Variants in AGO2 observed in about 807,000 individuals in gnomAD.
AGO2 encodes the protein argonaute RISC catalytic component 2, also known as protein argonaute-2.
Under a neutral mutation model 102.3 loss-of-function variants are expected in AGO2, and 5 were observed. The observed-to-expected ratio is 0.05, with a 90% CI of 0.03 to 0.10. AGO2 has a LOEUF of 0.10. Among genes scored for constraint, AGO2 ranks in the 10% least tolerant of loss-of-function variants. The pLI is 1.00. For missense variants in AGO2, 541 were observed against 1,183.7 expected (o/e 0.46, Z 7.97); for synonymous variants, 449 against 473.1 (o/e 0.95, Z 0.66).
chr8:140,572,225 CCCT>C (rs1665522432), intron 3 of AGO2: 1 of 152,216 alleles, frequency 6.6e-6, no homozygotes, highest in South Asian at 2.1e-4. Flanking sequence ...TTAATACACC[CCCT>C]CCCTCCGGGT....
chr8:140,631,598 G>T (rs59652329), intron 1 of AGO2, among the ~76,000 whole-genome samples: 4,921 of 152,130 alleles, frequency 0.032, 260 homozygotes, highest in African/African-American at 0.11. Flanking sequence ...AGGGAGAAGA[G>T]AGAGGGTGGG....
chr8:140,632,408 G>GCT (rs1236989775), intron 1 of AGO2, among the ~76,000 whole-genome samples: 2 of 152,262 alleles, frequency 1.3e-5, no homozygotes, highest in Non-Finnish European at 2.9e-5. Context: ...TGAGGGAAGG[G>GCT]GGAGAGGGGG....
In AGO2 at chr8:140,528,835, G is replaced by A. The variant is rs921547706; in HGVS notation, c.*3209C>T. ...GGACGGTGGCTTTGCGTCACCGAAG[G>A]GCTCACACACGAGGGCAGCTTTCCA... On this transcript the variant is annotated 3_prime_UTR_variant, in exon 19 of 19. Transcript: ENST00000220592. This position sits in a 1 kb window ranked among gnomAD's most constrained non-coding sequence, Gnocchi z 4.5. 2 of 152,188 alleles carry A rather than the reference G, an allele frequency of 1.3e-5. No individual in the cohort carries two copies. Among genetic ancestry groups the A allele is most frequent in the African/African-American group, 4.8e-5 (2 of 41,424 alleles). The allele number at this position is 152,188 out of a possible 1,614,324, so 9.4% of individuals were successfully genotyped here.
At chr8:140,591,616 G>A (rs941238363) in intron 1 of AGO2, 16 of 152,182 alleles carry the variant, frequency 1.1e-4, no homozygotes, top group African/African-American at 2.7e-4. Context: ...CCATCAACAC[G>A]GAATTTCCTG....
intron 3 of AGO2, among the ~76,000 whole-genome samples, chr8:140,566,191 G>T (rs1050439828): frequency 6.6e-6 from 1 of 152,166 alleles, no homozygotes; most frequent in African/African-American, 2.4e-5. Context: ...AATCATGGGG[G>T]CTGGTCTTTC....
intron 16 of AGO2, among the ~76,000 whole-genome samples, chr8:140,537,161 T>C (rs961678932): frequency 1.2e-4 from 18 of 152,264 alleles, no homozygotes; most frequent in African/African-American, 4.3e-4. Flanking sequence ...TTAAAAAATA[T>C]GGCTTGAGAC....
At position 140,531,000 on chromosome 8, in the gene AGO2, G is replaced by A. The variant is rs1027292656; in HGVS notation, c.*1044C>T. On this transcript the variant is annotated 3_prime_UTR_variant, in exon 19 of 19. Transcript: ENST00000220592. ...GCTGCACAGTCTCCACGGGGGAAGC[G>A]GGTTGCTGTCACATTAAGTCAATTG... 3.3e-5 allele frequency: 5 copies of A among 152,184 alleles called. No individual in the cohort carries two copies. Among genetic ancestry groups the A allele is most frequent in the Non-Finnish European group, 5.9e-5 (4 of 68,048 alleles). 9.4% of individuals were successfully genotyped at this position (152,184 alleles called of 1,614,324 possible).
intron 1 of AGO2, among the ~76,000 whole-genome samples, chr8:140,590,018 T>C (rs2073724181): frequency 6.6e-6 from 1 of 152,252 alleles, no homozygotes; most frequent in South Asian, 2.1e-4. Context: ...GAATGTGTGC[T>C]GGGAATGCAG....
intron 1 of AGO2, among the ~76,000 whole-genome samples, chr8:140,623,948 T>A (rs2074245038): frequency 6.6e-6 from 1 of 152,144 alleles, no homozygotes; most frequent in Non-Finnish European, 1.5e-5. Flanking sequence ...GAACACTGCA[T>A]AGACACAAGG....
intron 12 of AGO2, among the ~76,000 whole-genome samples, chr8:140,548,573 C>CA (rs1416579385): frequency 6.6e-6 from 1 of 152,156 alleles, no homozygotes; most frequent in Non-Finnish European, 1.5e-5. Flanking sequence ...AGCAGGATGT[C>CA]AACACCAACA....
At chr8:140,549,548 G>T (rs1461583093) in intron 11 of AGO2, among the ~76,000 whole-genome samples, 1 of 152,234 alleles carries the variant, frequency 6.6e-6, no homozygotes, top group African/African-American at 2.4e-5. Flanking sequence ...AGTCACATGC[G>T]GCTAACTTGC....
chr8:140,569,624 A>G (rs1242583961), intron 3 of AGO2, among the ~76,000 whole-genome samples: 2 of 152,234 alleles, frequency 1.3e-5, no homozygotes, highest in Non-Finnish European at 2.9e-5. Context: ...CAGAGCCAAG[A>G]AGACCAGACG....
intron 1 of AGO2, chr8:140,605,678 G>A (rs1260887968): frequency 6.6e-6 from 1 of 152,258 alleles, no homozygotes; most frequent in Non-Finnish European, 1.5e-5. Context: ...TCCAGGGGTA[G>A]CTCTAGTTCC....
At chr8:140,635,987 C>G (rs2074404700), upstream of AGO2, among the ~76,000 whole-genome samples, 1 of 149,950 alleles carries the variant, frequency 6.7e-6, no homozygotes, top group Non-Finnish European at 1.5e-5. Context: ...CGCGTCTTCC[C>G]GACGGGGAGG....
At chr8:140,590,010 A>C (rs1266730834) in intron 1 of AGO2, among the ~76,000 whole-genome samples, 2 of 152,242 alleles carry the variant, frequency 1.3e-5, no homozygotes, top group African/African-American at 4.8e-5. Context: ...CGGTCTCAGA[A>C]TGTGTGCTGG....
At chr8:140,545,132 A>G (rs1343157725) in intron 13 of AGO2, among the ~76,000 whole-genome samples, 1 of 152,080 alleles carries the variant, frequency 6.6e-6, no homozygotes, top group Non-Finnish European at 1.5e-5. Flanking sequence ...ATTTCCCTGC[A>G]TGCCTGTGAC....
At position 140,532,090 on chromosome 8, in the gene AGO2, G is replaced by T; in HGVS notation, c.2534C>A (p.Ala845Glu). 6.2e-7 allele frequency: 1 copy of T among 1,614,176 alleles called. No individual in the cohort carries two copies. Residue 845 changes from alanine (A) to glutamate (E), a missense_variant, in exon 19 of 19, where the codon GCG (alanine) becomes GAG (glutamate). Physicochemically the swap from Ala to Glu is moderately radical, Grantham distance 107. Transcript: ENST00000220592. ...NGRDHQALAK[A>E]VQVHQDTLRT... is the part of the protein sequence containing the mutation. ...CAGAGTGTCTTGGTGAACCTGGACC[G>T]CCTTGGCCAGTGCTTGGTGGTCTCG...
At chr8:140,578,346 C>T (rs1461187691) in intron 2 of AGO2, among the ~76,000 whole-genome samples, 2 of 152,208 alleles carry the variant, frequency 1.3e-5, no homozygotes, top group East Asian at 3.8e-4. Flanking sequence ...TTCAGTTCAG[C>T]GGCATTGAGT....
At chr8:140,561,266 G>A (rs1475707313) in intron 4 of AGO2, among the ~76,000 whole-genome samples, 1 of 152,230 alleles carries the variant, frequency 6.6e-6, no homozygotes, top group Non-Finnish European at 1.5e-5. Flanking sequence ...AACACGCTGT[G>A]AGCCTCGATG....
Sources: gnomAD v4.1 joint callset for allele counts (sites outside exome capture counted in the v4.1 genomes callset) on GRCh38, gnomAD v4.1.1 for gene constraint, Gnocchi (gnomAD v3.1) non-coding constraint, MANE v1.5 for transcripts, NCBI Gene and HGNC (gene_info 2026-07-23, HGNC 2026-07-21) for gene names.